Variants in GABRB1 observed in about 807,000 individuals in gnomAD.
The protein encoded by GABRB1 is gamma-aminobutyric acid receptor subunit beta-1.
GABRB1 carries 17 observed loss-of-function variants against 51.6 expected under a neutral mutation model. The observed-to-expected ratio is 0.33, with a 90% CI of 0.23 to 0.49. The LOEUF is 0.49. Ranked by LOEUF, GABRB1 falls within the 20% of genes least tolerant of loss-of-function variation. The probability of loss-of-function intolerance (pLI) is 0.99; values close to 1 mark genes in which losing one functional copy is unlikely to be tolerated. For synonymous variants in GABRB1, 247 were observed against 218.9 expected (o/e 1.13, Z -1.14); for missense variants, 410 against 600.6 (o/e 0.68, Z 3.32).
intron 3 of GABRB1, among the ~76,000 whole-genome samples, chr4:47,076,843 A>C (rs546614400): frequency 2.7e-4 from 41 of 152,122 alleles, no homozygotes; most frequent in South Asian, 2.5e-3. Flanking sequence ...TCCCATAATA[A>C]ATCACTTCCA....
chr4:47,352,977 T>C (rs1476133260), intron 5 of GABRB1, among the ~76,000 whole-genome samples: 1 of 152,218 alleles, frequency 6.6e-6, no homozygotes, highest in Non-Finnish European at 1.5e-5. Flanking sequence ...AGAGGTTTAA[T>C]TGAACTTACA....
intron 4 of GABRB1, among the ~76,000 whole-genome samples, chr4:47,211,810 C>A (rs1268986602): frequency 6.6e-6 from 1 of 152,154 alleles, no homozygotes; most frequent in African/African-American, 2.4e-5. Flanking sequence ...AGGCTGTCCT[C>A]ATTCCTCACT....
intron 4 of GABRB1, among the ~76,000 whole-genome samples, chr4:47,316,443 T>G (rs1303903966): frequency 6.6e-6 from 1 of 152,008 alleles, no homozygotes; most frequent in Admixed American, 6.6e-5. Flanking sequence ...TATCCCATTG[T>G]CCATATCTAC....
At chr4:47,025,809 C>A (rs1257587754) in intron 1 of GABRB1, among the ~76,000 whole-genome samples, 3 of 151,962 alleles carry the variant, frequency 2.0e-5, no homozygotes, top group African/African-American at 2.4e-5. Context: ...CCATTCCTAT[C>A]CTCTTCTCAT....
At chr4:47,297,786 C>T (rs199598424) in intron 4 of GABRB1, among the ~76,000 whole-genome samples, 9,784 of 152,158 alleles carry the variant, frequency 0.064, 515 homozygotes, top group East Asian at 0.28. Flanking sequence ...GATATCAAAG[C>T]CGGGCAGAGA....
At chr4:47,184,326 C>A (rs553801585) in intron 4 of GABRB1, among the ~76,000 whole-genome samples, 165 of 152,034 alleles carry the variant, frequency 1.1e-3, no homozygotes, top group African/African-American at 3.8e-3. Flanking sequence ...TTACCGAGGA[C>A]AAAGGCTCTA....
intron 8 of GABRB1, among the ~76,000 whole-genome samples, chr4:47,408,901 T>C (rs1728665904): frequency 6.6e-6 from 1 of 152,112 alleles, no homozygotes; most frequent in Admixed American, 6.5e-5. Context: ...GGTGGGAAAA[T>C]GCAGAAGACA....
chr4:47,281,658 T>C (rs2109908252), intron 4 of GABRB1, among the ~76,000 whole-genome samples: 1 of 152,282 alleles, frequency 6.6e-6, no homozygotes, highest in Non-Finnish European at 1.5e-5. Context: ...TGTTTATCAA[T>C]GTATGAATGG....
At chr4:47,314,342 A>G (rs542952636) in intron 4 of GABRB1, among the ~76,000 whole-genome samples, 1 of 152,206 alleles carries the variant, frequency 6.6e-6, no homozygotes, top group Admixed American at 6.5e-5. Flanking sequence ...CACATGAGAC[A>G]TTAACTAGTT....
intron 3 of GABRB1, among the ~76,000 whole-genome samples, chr4:47,041,094 G>T (rs1034529740): frequency 1.3e-5 from 2 of 152,136 alleles, no homozygotes; most frequent in South Asian, 4.1e-4. Context: ...GTGTAAAGCA[G>T]TGTGAGTTCT....
intron 5 of GABRB1, among the ~76,000 whole-genome samples, chr4:47,384,269 A>C (rs1246849607): frequency 6.6e-6 from 1 of 152,100 alleles, no homozygotes; most frequent in Non-Finnish European, 1.5e-5. Flanking sequence ...TTCTCTTAAC[A>C]ACATACCATA....
chr4:47,393,097 T>TA (rs1340225597), intron 5 of GABRB1, among the ~76,000 whole-genome samples: 1 of 152,234 alleles, frequency 6.6e-6, no homozygotes, highest in Non-Finnish European at 1.5e-5. Context: ...TGGATGGCTC[T>TA]GGAACCAAGA....
intron 4 of GABRB1, among the ~76,000 whole-genome samples, chr4:47,257,122 AAG>A (rs1722242941): frequency 1.3e-5 from 2 of 152,290 alleles, no homozygotes; most frequent in East Asian, 3.9e-4. Context: ...AGACATAGGA[AAG>A]AGAGTGAGGC....
At chr4:47,078,700 A>G (rs966814455) in intron 3 of GABRB1, among the ~76,000 whole-genome samples, 2 of 152,190 alleles carry the variant, frequency 1.3e-5, no homozygotes, top group African/African-American at 4.8e-5. Context: ...CTAACATCCT[A>G]TAATGCTACA....
intron 8 of GABRB1, among the ~76,000 whole-genome samples, chr4:47,422,285 C>T (rs189377976): frequency 6.0e-4 from 91 of 152,290 alleles, no homozygotes; most frequent in African/African-American, 2.2e-3. Context: ...CTTTTCCTGT[C>T]TACTGTGTCT....
At chr4:47,359,919 T>A (rs1232015946) in intron 5 of GABRB1, among the ~76,000 whole-genome samples, 1 of 152,004 alleles carries the variant, frequency 6.6e-6, no homozygotes, top group African/African-American at 2.4e-5. Context: ...ATTTCTTTTT[T>A]AAGCAAAAAA....
intron 4 of GABRB1, among the ~76,000 whole-genome samples, chr4:47,243,431 T>C (rs540238762): frequency 5.9e-5 from 9 of 152,332 alleles, no homozygotes; most frequent in South Asian, 2.1e-4. Context: ...AAGAAAGTCA[T>C]TGGTAGCTTG....
At chr4:47,034,120 C>A (rs1031264743) in intron 3 of GABRB1, among the ~76,000 whole-genome samples, 3 of 151,982 alleles carry the variant, frequency 2.0e-5, no homozygotes, top group Non-Finnish European at 4.4e-5. Flanking sequence ...TGTAAGCATC[C>A]ACAGATAATT....
chr4:47,124,484 A>G (rs1004696466), intron 3 of GABRB1, among the ~76,000 whole-genome samples: 1 of 152,194 alleles, frequency 6.6e-6, no homozygotes, highest in Non-Finnish European at 1.5e-5. Context: ...AAAACCACAA[A>G]GGAAACTAAT....
Sources: allele counts gnomAD v4.1 joint callset (sites outside exome capture counted in the v4.1 genomes callset), GRCh38; gene constraint gnomAD v4.1.1; transcripts MANE v1.5; gene names NCBI Gene and HGNC (gene_info 2026-07-23, HGNC 2026-07-21).